The following UNC13C variants were observed in gnomAD, a reference collection of about 807,000 sequenced individuals.
UNC13C encodes unc-13 homolog C.
A neutral mutation model predicts 245.4 loss-of-function variants in UNC13C; 174 were observed. The ratio of observed to expected loss-of-function variants is 0.71; its 90% CI spans 0.63 to 0.80. The LOEUF (loss-of-function observed/expected upper bound fraction) is 0.80, where lower values mean the gene tolerates loss of function less well. Among genes scored for constraint, UNC13C ranks in the 30% least tolerant of loss-of-function variants. The pLI, the probability that UNC13C is intolerant of heterozygous loss-of-function variation, is 0.00. For missense variants in UNC13C, 2,829 were observed against 2,602.9 expected, an observed-to-expected ratio of 1.09 and a Z score of -1.89; for synonymous variants, 992 against 895.1, an observed-to-expected ratio of 1.11 and a Z score of -1.93.
intron 2 of UNC13C, among the ~76,000 whole-genome samples, chr15:54,047,595 A>T (rs913103293): frequency 6.6e-6 from 1 of 152,106 alleles, no homozygotes; most frequent in Non-Finnish European, 1.5e-5. Context: ...TCCCTTTTTA[A>T]GGCTAAATAA....
At chr15:53,955,039 T>C in the UNC13C span, among the ~76,000 whole-genome samples, 64 of 152,304 alleles carry the variant, frequency 4.2e-4, no homozygotes, top group East Asian at 9.5e-3. Context: ...AACATTTTCA[T>C]GACTATAAGA....
At chr15:54,460,525 G>C (rs1891778669) in intron 19 of UNC13C, among the ~76,000 whole-genome samples, 1 of 152,206 alleles carries the variant, frequency 6.6e-6, no homozygotes, top group Non-Finnish European at 1.5e-5. Flanking sequence ...TTGGCCTCCA[G>C]CCAGGAAGTG....
chr15:54,141,060 C>T (rs954068337), intron 2 of UNC13C, among the ~76,000 whole-genome samples: 3 of 152,126 alleles, frequency 2.0e-5, no homozygotes, highest in Non-Finnish European at 2.9e-5. Flanking sequence ...AGATGGAAGA[C>T]AGATATCAAC....
chr15:54,070,486 A>G (rs192398209), intron 2 of UNC13C, among the ~76,000 whole-genome samples: 19 of 152,318 alleles, frequency 1.2e-4, no homozygotes, highest in Non-Finnish European at 1.9e-4. Flanking sequence ...GTCTGAATGC[A>G]GTATAAGATG....
chr15:54,516,799 CAAAA>C (rs59628073), intron 24 of UNC13C, among the ~76,000 whole-genome samples: 6 of 123,626 alleles, frequency 4.9e-5, no homozygotes, highest in African/African-American at 1.6e-4. Flanking sequence ...GATGCTGTCT[CAAAA>C]AAAAAAAAAG....
the UNC13C span, among the ~76,000 whole-genome samples, chr15:53,942,661 T>G: frequency 6.6e-6 from 1 of 152,090 alleles, no homozygotes; most frequent in Non-Finnish European, 1.5e-5. Context: ...TCCTGAAATA[T>G]TTTTCTCTGT....
intron 19 of UNC13C, among the ~76,000 whole-genome samples, chr15:54,483,341 G>T (rs1893230247): frequency 6.6e-6 from 1 of 152,092 alleles, no homozygotes; most frequent in African/African-American, 2.4e-5. Flanking sequence ...GCTTATTCCA[G>T]ACTTACCAAA....
At chr15:54,480,577 TG>T (rs1039853238) in intron 19 of UNC13C, among the ~76,000 whole-genome samples, 4 of 152,186 alleles carry the variant, frequency 2.6e-5, no homozygotes, top group African/African-American at 9.6e-5. Flanking sequence ...TTTATAATGA[TG>T]TTTATCTCTT....
chr15:54,086,569 T>TC (rs2141127678), intron 2 of UNC13C, among the ~76,000 whole-genome samples: 1 of 152,170 alleles, frequency 6.6e-6, no homozygotes, highest in East Asian at 1.9e-4. Flanking sequence ...CTCATTTGTG[T>TC]TTGTTTTGTA....
In UNC13C at chr15:54,555,470, A is replaced by G; in HGVS notation, c.5916A>G (p.Pro1972=). The G allele has an allele frequency of 6.2e-7, 1 of 1,612,466 alleles. No individual in the cohort carries two copies. The highest frequency in any genetic ancestry group is 8.5e-7 in the Non-Finnish European group (1 of 1,179,066). ...GAGAGGATGCCAGGGGTCTGACGCC[A>G]AGACAATGCGCTATAATGGAGGTAG... is the stretch of plus-strand genomic sequence containing the variant. ...MIREDARGLT[P]RQCAIMEVVL... Residue 1972 remains proline, a synonymous_variant, in exon 29 of 33, where the codon CCA becomes CCG. Transcript: ENST00000260323.
chr15:54,393,636 A>G (rs749650190), intron 18 of UNC13C, among the ~76,000 whole-genome samples: 3 of 151,942 alleles, frequency 2.0e-5, no homozygotes, highest in Non-Finnish European at 4.4e-5. Flanking sequence ...CATATTTAAT[A>G]AAACAAGTTG....
At chr15:54,271,260 G>T (rs1484122530) in intron 10 of UNC13C, among the ~76,000 whole-genome samples, 1 of 152,150 alleles carries the variant, frequency 6.6e-6, no homozygotes, top group African/African-American at 2.4e-5. Context: ...ATCACGTGAA[G>T]ATTAATTAAG....
intron 19 of UNC13C, among the ~76,000 whole-genome samples, chr15:54,417,312 C>G (rs2040543422): frequency 2.0e-5 from 3 of 152,118 alleles, no homozygotes; most frequent in Non-Finnish European, 4.4e-5. Context: ...TTGTGACCGT[C>G]TTTTGCTGTG....
At chr15:54,555,826 T>C (rs1479652569) in intron 29 of UNC13C, among the ~76,000 whole-genome samples, 2 of 152,050 alleles carry the variant, frequency 1.3e-5, no homozygotes, top group Non-Finnish European at 2.9e-5. Context: ...TTTTAACACA[T>C]GTTCTCAAAG....
intron 1 of UNC13C, among the ~76,000 whole-genome samples, chr15:53,999,777 G>T (rs1894800607): frequency 6.6e-6 from 1 of 151,822 alleles, no homozygotes; most frequent in Non-Finnish European, 1.5e-5. Context: ...TCAGTTTTGG[G>T]GGGTTTTGAC....
rs13329636 is a variant in UNC13C, at chr15:54,503,015, G to C, written c.5301+2037G>C. 7.2e-3 allele frequency among the ~76,000 whole-genome samples: 1,092 copies of C among 151,210 alleles called. 22 individuals are homozygous for C. Among genetic ancestry groups the C allele is most frequent in the African/African-American group, 0.025 (1,032 of 41,192 alleles). On this transcript the variant is annotated intron_variant, in intron 22 of 32. Transcript: ENST00000260323. ...TACTGAATGGAAGTATAAAAGGGTGGGAGGTCACAAGGAAGGTCATATTAG... is the reference window on the plus strand; with the variant it reads ...TACTGAATGGAAGTATAAAAGGGTGCGAGGTCACAAGGAAGGTCATATTAG...
intron 1 of UNC13C, among the ~76,000 whole-genome samples, chr15:53,996,608 C>T (rs1894644504): frequency 6.6e-6 from 1 of 152,138 alleles, no homozygotes; most frequent in Admixed American, 6.6e-5. Context: ...AGAAAGCTTT[C>T]TCATATCCCC....
At chr15:54,044,080 T>TC (rs1896927333) in intron 2 of UNC13C, among the ~76,000 whole-genome samples, 1 of 152,194 alleles carries the variant, frequency 6.6e-6, no homozygotes, top group Admixed American at 6.5e-5. Flanking sequence ...CACTCTCTTT[T>TC]TCCCCTGCCC....
chr15:54,255,748 C>A (rs984588578), intron 8 of UNC13C, among the ~76,000 whole-genome samples: 2 of 152,142 alleles, frequency 1.3e-5, no homozygotes, highest in African/African-American at 2.4e-5. Flanking sequence ...GGGCAGAGGC[C>A]CAGGCGTGGA....
Sources: gnomAD v4.1 joint callset for allele counts (sites outside exome capture counted in the v4.1 genomes callset) on GRCh38, gnomAD v4.1.1 for gene constraint, MANE v1.5 for transcripts, NCBI Gene and HGNC (gene_info 2026-07-23, HGNC 2026-07-21) for gene names.